KDM3A: variants seen among roughly 807,000 people sequenced by gnomAD.
KDM3A encodes lysine demethylase 3A, also known as lysine-specific demethylase 3A.
Under a neutral mutation model 158.0 loss-of-function variants are expected in KDM3A, and 60 were observed. That is an observed-to-expected ratio of 0.38 (90% CI 0.31 to 0.47). The LOEUF (loss-of-function observed/expected upper bound fraction) is 0.47, where lower values mean the gene tolerates loss of function less well. Among genes scored for constraint, KDM3A ranks in the 20% least tolerant of loss-of-function variants. The pLI, the probability that KDM3A is intolerant of heterozygous loss-of-function variation, is 0.99. For synonymous variants in KDM3A, 608 were observed against 549.3 expected (o/e 1.11, Z -1.49); for missense variants, 1,319 against 1,574.3 (o/e 0.84, Z 2.74).
rs1177575930 is a variant in KDM3A at position 86,456,437 on chromosome 2, T to G, written c.557-5T>G. 2.7e-6 allele frequency: 4 copies of G among 1,475,554 alleles called. No individual in the cohort carries two copies. The African/African-American group carries it at 5.9e-5, about 22-fold the overall frequency. 91.4% of individuals were successfully genotyped at this position (1,475,554 alleles called of 1,614,324 possible). Reference sequence around the variant, plus strand: ...TAAGATTTTTTTTTTTTTTTTTTTTTTAAGGTGACAAAAACTTAGTTGGTT... The same window carrying G: ...TAAGATTTTTTTTTTTTTTTTTTTTGTAAGGTGACAAAAACTTAGTTGGTT... On this transcript the variant is annotated splice_polypyrimidine_tract_variant and splice_region_variant and intron_variant, in intron 5 of 25. Coordinates refer to ENST00000312912, the MANE Select transcript of KDM3A (RefSeq NM_018433.6).
chr2:86,490,789 T>G (rs1674416212), intron 23 of KDM3A, 92 bp from the exon 24 acceptor site: 1 of 897,790 alleles, frequency 1.1e-6, no homozygotes, highest in African/African-American at 1.7e-5. Flanking sequence ...AGGCCTGACA[T>G]TTATGAACTG....
chr2:86,445,478 C>G (rs1176801766), intron 2 of KDM3A, among the ~76,000 whole-genome samples: 1 of 152,090 alleles, frequency 6.6e-6, no homozygotes, highest in African/African-American at 2.4e-5. Context: ...GTCCTTTTTT[C>G]TTTGAAGCCT....
Position 86,485,739 on chromosome 2 carries a change from C to T in KDM3A, c.3193C>T (p.Leu1065=), listed in dbSNP as rs1229032568. The change falls in exon 21 of 26, where the codon CTG becomes TTG. Residue 1065 remains leucine (L), a synonymous_variant. Coordinates refer to ENST00000312912, the MANE Select transcript of KDM3A (RefSeq NM_018433.6). ...GTTCTGTTGTTCTAGGTTTGATGATCTGATGGCCAACATTCCACTGCCCGA... is the reference window on the plus strand; with the variant it reads ...GTTCTGTTGTTCTAGGTTTGATGATTTGATGGCCAACATTCCACTGCCCGA... The part of the protein sequence containing the change: ...RDMMPSRFDD[L]MANIPLPEYT... 18 of 1,613,780 alleles carry T rather than the reference C, an allele frequency of 1.1e-5. No homozygotes were observed. The highest frequency in any genetic ancestry group is 1.7e-5 in the Admixed American group (1 of 59,982).
At chr2:86,486,268 T>C (rs1047280766) in intron 21 of KDM3A, among the ~76,000 whole-genome samples, 10 of 152,218 alleles carry the variant, frequency 6.6e-5, no homozygotes, top group Admixed American at 1.3e-4. Context: ...AATGCAGTGT[T>C]CTGTGTTGTT....
At position 86,490,954 on chromosome 2, in the gene KDM3A, G is replaced by A. The variant is rs144713807; in HGVS notation, c.3647G>A (p.Arg1216Gln). ...PIHDQSWYLD[R>Q]SLRKRLHQEY... is the part of the protein sequence containing the mutation. ...CATGATCAAAGCTGGTATTTAGACC[G>A]ATCATTAAGAAAACGTCTTCATCAA... The change falls in exon 24 of 26, where the codon CGA (arginine) becomes CAA (glutamine). Residue 1216 changes from arginine (R) to glutamine (Q), a missense_variant. Transcript: ENST00000312912. 81 of 1,613,782 alleles carry A rather than the reference G, an allele frequency of 5.0e-5. No individual in the cohort carries two copies. Among genetic ancestry groups the A allele is most frequent in the Non-Finnish European group, 6.4e-5 (76 of 1,179,840 alleles).
Position 86,456,516 on chromosome 2 carries a change from G to GTTA in KDM3A, c.633_635dup (p.Ile212dup). On this transcript the variant is annotated inframe_insertion, in exon 6 of 26. Coordinates refer to ENST00000312912, the MANE Select transcript of KDM3A (RefSeq NM_018433.6). ...ATCTACTCAGTGGTTTTCAGCAACCGTTATAAATGGAAACCCAGCATCAAA... is the reference window on the plus strand; with the variant it reads ...ATCTACTCAGTGGTTTTCAGCAACCGTTATTATAAATGGAAACCCAGCATCAAA... 1 of 1,605,406 alleles carries GTTA rather than the reference G, an allele frequency of 6.2e-7. No homozygotes were observed. The highest frequency in any genetic ancestry group is 8.5e-7 in the Non-Finnish European group (1 of 1,175,840).
At chr2:86,477,140 A>G (rs1673693341) in intron 12 of KDM3A, among the ~76,000 whole-genome samples, 1 of 152,202 alleles carries the variant, frequency 6.6e-6, no homozygotes. Flanking sequence ...TCCAGTTATT[A>G]GGTCTTGGCC....
chr2:86,480,716 A>ATAT (rs1673884179), intron 16 of KDM3A, among the ~76,000 whole-genome samples: 1 of 152,242 alleles, frequency 6.6e-6, no homozygotes, highest in Non-Finnish European at 1.5e-5. Context: ...ACCTTTATAT[A>ATAT]GCTTTAAAAA....
chr2:86,468,457 CAT>C (rs1673256240), intron 10 of KDM3A, among the ~76,000 whole-genome samples: 1 of 152,196 alleles, frequency 6.6e-6, no homozygotes, highest in South Asian at 2.1e-4. Flanking sequence ...GCAATAAGCA[CAT>C]GATAGATACA....
Position 86,456,610 on chromosome 2 carries a change from T to G in KDM3A, c.681+44T>G, listed in dbSNP as rs1391764391. 1.9e-6 allele frequency: 3 copies of G among 1,561,092 alleles called. No individual in the cohort carries two copies. In the African/African-American group the frequency reaches 4.1e-5, roughly 21 times the overall value. On this transcript the variant is annotated intron_variant, in intron 6 of 25. Transcript: ENST00000312912. ...CTTTGTAAGATAACTCGACAAAGCA[T>G]GATAACTATACAAAGCATTTATGAT...
chr2:86,448,077 C>T (rs972699114), intron 2 of KDM3A, among the ~76,000 whole-genome samples: 4 of 152,278 alleles, frequency 2.6e-5, no homozygotes, highest in Admixed American at 6.5e-5. Context: ...CAGGGAGAAA[C>T]GTATGTGGGC....
chr2:86,474,788 C>T lies in KDM3A; in HGVS notation c.1737C>T (p.Asn579=), dbSNP rs1470768693. 2.1e-6 allele frequency: 3 copies of T among 1,460,586 alleles called. No homozygotes were observed. The highest frequency in any genetic ancestry group is 3.0e-5 in the East Asian group (1 of 33,462). The allele number at this position is 1,460,586 out of a possible 1,614,324, so 90.5% of individuals were successfully genotyped here. Reference sequence around the variant, plus strand: ...CTGCTTCCCCTAGGTTACAATTCAACAAACATGGTGTGTTGCGGGTAGAAG... The same window carrying T: ...CTGCTTCCCCTAGGTTACAATTCAATAAACATGGTGTGTTGCGGGTAGAAG... ...RFFHFRRLQF[N]KHGVLRVEGF... The change falls in exon 12 of 26, where the codon AAC becomes AAT. Residue 579 remains asparagine (N), a synonymous_variant. Coordinates refer to ENST00000312912, the MANE Select transcript of KDM3A (RefSeq NM_018433.6).
chr2:86,475,485 G>C (rs1373477690), intron 12 of KDM3A, among the ~76,000 whole-genome samples: 1 of 152,194 alleles, frequency 6.6e-6, no homozygotes, highest in Non-Finnish European at 1.5e-5. Flanking sequence ...GGAGGTTCTA[G>C]ATGTGCATGT....
intron 16 of KDM3A, 112 bp downstream of exon 16, chr2:86,480,474 T>C: frequency 2.3e-6 from 2 of 881,662 alleles, no homozygotes; most frequent in Non-Finnish European, 3.4e-6. Context: ...TTCTCTGGAG[T>C]CATCCTGGAA....
In KDM3A at chr2:86,480,194, C is replaced by G. The variant is rs945599076; in HGVS notation, c.2344C>G (p.Leu782Val). The change falls in exon 16 of 26, where the codon CTT (leucine) becomes GTT (valine). Residue 782 changes from leucine (L) to valine (V), a missense_variant. Coordinates refer to ENST00000312912, the MANE Select transcript of KDM3A (RefSeq NM_018433.6). ...TTCTTTAGCTGGAGAAAAACCGACT[C>G]TTGGTGCAGTGCTCCAGCAGAATCC... ...QTSLAGEKPT[L>V]GAVLQQNPSV... 3.7e-6 allele frequency: 6 copies of G among 1,613,064 alleles called. No homozygotes were observed. The highest frequency in any genetic ancestry group is 4.2e-6 in the Non-Finnish European group (5 of 1,180,010).
At chr2:86,445,579 G>A (rs1394124657) in intron 2 of KDM3A, among the ~76,000 whole-genome samples, 1 of 151,854 alleles carries the variant, frequency 6.6e-6, no homozygotes, top group Non-Finnish European at 1.5e-5. Context: ...CCCCTTCTTA[G>A]TCCTTACAGG....
intron 16 of KDM3A, among the ~76,000 whole-genome samples, chr2:86,481,067 T>C (rs2104698204): frequency 6.6e-6 from 1 of 152,230 alleles, no homozygotes; most frequent in East Asian, 1.9e-4. Context: ...GAAGATACAG[T>C]CTGACATTCA....
intron 4 of KDM3A, among the ~76,000 whole-genome samples, chr2:86,454,092 C>T (rs892868353): frequency 1.3e-5 from 2 of 152,210 alleles, no homozygotes; most frequent in African/African-American, 2.4e-5. Context: ...ACTCTGACGC[C>T]TTAGGCTATT....
At chr2:86,442,270 C>T (rs1304388786) in intron 2 of KDM3A, 37 bp downstream of exon 2, 2 of 1,567,530 alleles carry the variant, frequency 1.3e-6, no homozygotes, top group Non-Finnish European at 1.7e-6. Flanking sequence ...CCGGACGTTT[C>T]GCAGTTACCG....
Sources: gnomAD v4.1 joint callset for allele counts (sites outside exome capture counted in the v4.1 genomes callset) on GRCh38, gnomAD v4.1.1 for gene constraint, MANE v1.5 for transcripts, NCBI Gene and HGNC (gene_info 2026-07-23, HGNC 2026-07-21) for gene names.